FGF13: variants seen among roughly 807,000 people sequenced by gnomAD.
The protein encoded by FGF13 is fibroblast growth factor homologous factor 2.
Under a neutral mutation model 19.5 loss-of-function variants are expected in FGF13, and 2 were observed. The observed-to-expected ratio is 0.10, with a 90% CI of 0.04 to 0.32. FGF13 has a LOEUF of 0.32. Among genes scored for constraint, FGF13 ranks in the 10% least tolerant of loss-of-function variants. The pLI is 1.00. For synonymous variants in FGF13, 72 were observed against 76.9 expected (o/e 0.94, Z 0.33); for missense variants, 113 against 192.7 (o/e 0.59, Z 2.45).
chrX:139,100,846 G>A (rs1275219356), intron 1 of FGF13, among the ~76,000 whole-genome samples: 18 of 110,766 alleles, frequency 1.6e-4, no homozygotes, highest in Non-Finnish European at 5.7e-5. Context: ...ACGTGGTCCC[G>A]TAGGTGGTTT....
chrX:138,968,814 A>G (rs2091904686), intron 1 of FGF13, among the ~76,000 whole-genome samples: 1 of 112,091 alleles, frequency 8.9e-6, no homozygotes, highest in Non-Finnish European at 1.9e-5. Flanking sequence ...CTTCAGGCAG[A>G]GGAAATGGCA....
At chrX:139,033,958 A>C (rs1285240778) in intron 1 of FGF13, among the ~76,000 whole-genome samples, 1 of 111,866 alleles carries the variant, frequency 8.9e-6, no homozygotes, top group Non-Finnish European at 1.9e-5. Context: ...AGGGAAAAGT[A>C]ATGTCCAGCT....
chrX:139,106,233 G>A (rs1324910662), intron 1 of FGF13, among the ~76,000 whole-genome samples: 1 of 112,066 alleles, frequency 8.9e-6, no homozygotes, highest in Non-Finnish European at 1.9e-5. Flanking sequence ...AAGCCTCCTG[G>A]CAACTCCACA....
chrX:138,640,548 AG>A (rs750280074), intron 3 of FGF13, among the ~76,000 whole-genome samples: 1 of 112,005 alleles, frequency 8.9e-6, no homozygotes, highest in African/African-American at 3.2e-5. Context: ...CCAGGTTAAT[AG>A]ACGAGTGGGC....
chrX:138,799,154 G>A (rs1461129293), intron 3 of FGF13, among the ~76,000 whole-genome samples: 1 of 110,981 alleles, frequency 9.0e-6, no homozygotes, highest in Admixed American at 9.6e-5. Flanking sequence ...GTGATCTTAG[G>A]GTGTCGATTT....
chrX:138,782,883 T>G, intron 3 of FGF13, among the ~76,000 whole-genome samples: 1 of 82,639 alleles, frequency 1.2e-5, no homozygotes, highest in Non-Finnish European at 2.3e-5. Context: ...AGAACAAAGC[T>G]GGAGGCATCA....
intron 1 of FGF13, among the ~76,000 whole-genome samples, chrX:139,094,639 T>G (rs894983730): frequency 8.9e-6 from 1 of 112,574 alleles, no homozygotes; most frequent in African/African-American, 3.2e-5. Flanking sequence ...GTTTTCAGTC[T>G]TCAAGGCACT....
At position 139,122,781 on chromosome X, in the gene FGF13, G is replaced by C. The variant is rs775685382; in HGVS notation, c.-113+80635C>G. ...GACCAAACTTTTTGGGACCATTCTT[G>C]ACTCCTCCTTACTCCCACACCTGCA... On this transcript the variant is annotated intron_variant, in intron 1 of 2. Coordinates refer to the FGF13 transcript ENST00000421460. 9.0e-5 allele frequency among the ~76,000 whole-genome samples: 10 copies of C among 111,235 alleles called. No individual in the cohort carries two copies. The South Asian group carries it at 3.8e-3, about 42-fold the overall frequency.
At chrX:138,776,684 AC>A (rs1229166069) in intron 3 of FGF13, among the ~76,000 whole-genome samples, 1 of 111,585 alleles carries the variant, frequency 9.0e-6, no homozygotes, top group Non-Finnish European at 1.9e-5. Flanking sequence ...AAACCTATAA[AC>A]CTATCTGAAT....
rs1035337865 is a variant in FGF13 at position 138,628,598 on chromosome X, T to C, written c.*4252A>G. 8.9e-6 allele frequency: 1 copy of C among 112,584 alleles called. No homozygotes were observed. The highest frequency in any genetic ancestry group is 3.2e-5 in the African/African-American group (1 of 30,975). 9.3% of individuals were successfully genotyped at this position (112,584 alleles called of 1,213,427 possible). ...CTAAGACACATTCGTATGAAATTTG[T>C]TGAAAATGGTTATCAGTTCTGATCC... is the stretch of plus-strand genomic sequence containing the variant. On this transcript the variant is annotated 3_prime_UTR_variant, in exon 5 of 5. Transcript: ENST00000315930.
chrX:139,186,555 C>G (rs1398336534), intron 1 of FGF13, among the ~76,000 whole-genome samples: 1 of 111,544 alleles, frequency 9.0e-6, no homozygotes, highest in Non-Finnish European at 1.9e-5. Context: ...AGGAAACTCT[C>G]CAAAGGCTTT....
rs965661627 is a variant in FGF13 at position 139,140,994 on chromosome X, C to A, written c.-113+62422G>T. The stretch of plus-strand genomic sequence containing the variant: ...TGGTCAATCTCTCACTTCCACCAGG[C>A]CTTTGCTGAAATGCCAGCTTTTCCT... On this transcript the variant is annotated intron_variant, in intron 1 of 2. Transcript: ENST00000421460. Among the ~76,000 whole-genome samples the A allele has an allele frequency of 4.6e-5, 5 of 109,152 alleles. No homozygotes were observed. The East Asian group carries it at 8.7e-4, about 19-fold the overall frequency. 94.8% of individuals were successfully genotyped at this position (109,152 alleles called of 115,157 possible).
chrX:138,911,450 T>TG (rs2091587385), intron 1 of FGF13, among the ~76,000 whole-genome samples: 1 of 107,217 alleles, frequency 9.3e-6, no homozygotes, highest in African/African-American at 3.4e-5. Flanking sequence ...CAACACACAC[T>TG]GGGGCCTACC....
At chrX:138,730,112 C>T (rs191890431) in intron 1 of FGF13, among the ~76,000 whole-genome samples, 12 of 110,337 alleles carry the variant, frequency 1.1e-4, no homozygotes, top group African/African-American at 2.0e-4. Flanking sequence ...ATGAAAAACA[C>T]GAAGAGTAAA....
intron 1 of FGF13, among the ~76,000 whole-genome samples, chrX:139,084,023 C>T (rs61303943): frequency 0.042 from 4,574 of 110,071 alleles, 112 homozygotes; most frequent in East Asian, 0.13. Flanking sequence ...CTTGCACATT[C>T]TGCATCAGGG....
chrX:138,729,094 G>A (rs181258087), intron 1 of FGF13, among the ~76,000 whole-genome samples: 24 of 111,617 alleles, frequency 2.2e-4, no homozygotes, highest in African/African-American at 7.8e-4. Context: ...TTTACACATA[G>A]TGACTTGCCT....
intron 1 of FGF13, among the ~76,000 whole-genome samples, chrX:139,012,900 G>A: frequency 8.9e-6 from 1 of 112,088 alleles, no homozygotes; most frequent in Admixed American, 9.4e-5. Flanking sequence ...AATCAGCAGA[G>A]TTAACAGACA....
At chrX:138,812,804 G>C (rs367899893) in intron 3 of FGF13, among the ~76,000 whole-genome samples, 4 of 110,993 alleles carry the variant, frequency 3.6e-5, no homozygotes, top group Admixed American at 1.9e-4. Context: ...GTGTGCCATG[G>C]TGTTTTGCTG....
intron 1 of FGF13, among the ~76,000 whole-genome samples, chrX:138,947,976 C>A (rs1417804121): frequency 9.0e-6 from 1 of 111,615 alleles, no homozygotes; most frequent in Non-Finnish European, 1.9e-5. Context: ...CGGCCATCTA[C>A]AAGCCAAGGA....
Sources: allele counts gnomAD v4.1 joint callset (sites outside exome capture counted in the v4.1 genomes callset), GRCh38; gene constraint gnomAD v4.1.1; transcripts MANE v1.5; gene names NCBI Gene and HGNC (gene_info 2026-07-23, HGNC 2026-07-21).